Variants in HS6ST3 observed in about 807,000 individuals in gnomAD.
HS6ST3 encodes heparan sulfate 6-O-sulfotransferase 3.
Under a neutral mutation model 36.7 loss-of-function variants are expected in HS6ST3, and 12 were observed. The ratio of observed to expected loss-of-function variants is 0.33; its 90% CI spans 0.21 to 0.53. The LOEUF (loss-of-function observed/expected upper bound fraction) is 0.53. Among genes scored for constraint, HS6ST3 ranks in the 20% least tolerant of loss-of-function variants. The probability of loss-of-function intolerance (pLI) is 0.95; values close to 1 mark genes in which losing one functional copy is unlikely to be tolerated. For synonymous variants in HS6ST3, 240 were observed against 257.5 expected (o/e 0.93, Z 0.65); for missense variants, 584 against 640.9 (o/e 0.91, Z 0.96).
chr13:96,373,443 A>G (rs906263400), intron 1 of HS6ST3, among the ~76,000 whole-genome samples: 56 of 152,318 alleles, frequency 3.7e-4, no homozygotes, highest in African/African-American at 1.3e-3. Context: ...GATGTTCTGA[A>G]AAAGGATTTT....
At chr13:96,492,127 G>A (rs1029019190) in intron 1 of HS6ST3, among the ~76,000 whole-genome samples, 1 of 152,134 alleles carries the variant, frequency 6.6e-6, no homozygotes, top group Non-Finnish European at 1.5e-5. Flanking sequence ...CGTTGCTTTT[G>A]TTGTGCCAGG....
chr13:96,377,571 T>C (rs568193109), intron 1 of HS6ST3, among the ~76,000 whole-genome samples: 1 of 152,272 alleles, frequency 6.6e-6, no homozygotes, highest in South Asian at 2.1e-4. Flanking sequence ...AAAGCAGTAG[T>C]ATTGAGATTT....
intron 1 of HS6ST3, among the ~76,000 whole-genome samples, chr13:96,410,368 A>T (rs151203333): frequency 1.5e-4 from 23 of 152,316 alleles, no homozygotes; most frequent in East Asian, 1.2e-3. Context: ...TTTCCAAGGA[A>T]ATACAATTGA....
At chr13:96,569,583 T>C (rs1022689560) in intron 1 of HS6ST3, among the ~76,000 whole-genome samples, 1 of 152,188 alleles carries the variant, frequency 6.6e-6, no homozygotes. Flanking sequence ...AGAAAAAAAC[T>C]GACTTGCAGT....
In HS6ST3 at chr13:96,772,366, A is replaced by T. The variant is rs186398140; in HGVS notation, c.708-60124A>T. The stretch of plus-strand genomic sequence containing the variant: ...AGATTCCAGTGCTATTCTATAAGCA[A>T]ACTCAATTAAAGAAGAGCAAAGAGA... On this transcript the variant is annotated intron_variant, in intron 1 of 1. Coordinates refer to ENST00000376705, the MANE Select transcript of HS6ST3 (RefSeq NM_153456.4). Among the ~76,000 whole-genome samples, 522 of 152,336 alleles carry T rather than the reference A, an allele frequency of 3.4e-3. 2 individuals carry two copies. Among genetic ancestry groups the T allele is most frequent in the Admixed American group, 8.5e-3 (130 of 15,296 alleles).
chr13:96,158,652 C>CAAAAAAAAA (rs397954592), intron 1 of HS6ST3, among the ~76,000 whole-genome samples: 2 of 68,902 alleles, frequency 2.9e-5, no homozygotes, highest in African/African-American at 6.4e-5. Context: ...GACTCCGTCT[C>CAAAAAAAAA]AAAAAAAAAA....
At chr13:96,811,729 C>A (rs563629047) in intron 1 of HS6ST3, among the ~76,000 whole-genome samples, 8 of 152,256 alleles carry the variant, frequency 5.3e-5, no homozygotes, top group African/African-American at 1.9e-4. Flanking sequence ...GAAATTTAGT[C>A]TTTTATCACC....
intron 1 of HS6ST3, among the ~76,000 whole-genome samples, chr13:96,640,996 C>G (rs942688750): frequency 2.6e-5 from 4 of 151,898 alleles, no homozygotes; most frequent in African/African-American, 9.7e-5. Context: ...ATGCCTCTGG[C>G]TTTGTTTGTT....
At chr13:96,380,202 C>T (rs542826985) in intron 1 of HS6ST3, among the ~76,000 whole-genome samples, 33 of 150,928 alleles carry the variant, frequency 2.2e-4, no homozygotes, top group African/African-American at 7.8e-4. Context: ...TGCATGTGCT[C>T]ATGTGTTTGT....
At chr13:96,456,123 CA>C (rs1383598888) in intron 1 of HS6ST3, among the ~76,000 whole-genome samples, 4 of 152,140 alleles carry the variant, frequency 2.6e-5, no homozygotes, top group African/African-American at 9.7e-5. Flanking sequence ...TTTAGAAGGA[CA>C]AACGTATTTC....
At chr13:96,822,068 G>T (rs1249568325) in intron 1 of HS6ST3, among the ~76,000 whole-genome samples, 1 of 152,196 alleles carries the variant, frequency 6.6e-6, no homozygotes, top group East Asian at 1.9e-4. Flanking sequence ...CAGTGCCTGA[G>T]AAATTAGCTA....
chr13:96,594,920 C>T (rs752758425), intron 1 of HS6ST3, among the ~76,000 whole-genome samples: 8 of 152,114 alleles, frequency 5.3e-5, no homozygotes, highest in Non-Finnish European at 7.4e-5. Context: ...TGATGAACTT[C>T]GCTAGTATTT....
chr13:96,680,708 G>A (rs1311238243), intron 1 of HS6ST3, among the ~76,000 whole-genome samples: 1 of 152,164 alleles, frequency 6.6e-6, no homozygotes, highest in Non-Finnish European at 1.5e-5. Context: ...GGGCTGACCC[G>A]CCATCTTGAC....
intron 1 of HS6ST3, among the ~76,000 whole-genome samples, chr13:96,343,284 T>C (rs995013843): frequency 1.3e-5 from 2 of 152,196 alleles, no homozygotes; most frequent in African/African-American, 4.8e-5. Flanking sequence ...CTCACTGGGC[T>C]AAAATCAAGG....
chr13:96,626,985 A>G (rs1462922864), intron 1 of HS6ST3, among the ~76,000 whole-genome samples: 1 of 152,166 alleles, frequency 6.6e-6, no homozygotes, highest in East Asian at 1.9e-4. Context: ...CACTCATATC[A>G]TTTACAAATG....
intron 1 of HS6ST3, among the ~76,000 whole-genome samples, chr13:96,171,219 C>G (rs1289112312): frequency 1.3e-5 from 2 of 152,170 alleles, no homozygotes; most frequent in African/African-American, 4.8e-5. Flanking sequence ...GAACAAAGTA[C>G]CCATGAACAT....
Position 96,158,087 on chromosome 13 carries a change from A to G in HS6ST3, c.707+66518A>G, listed in dbSNP as rs192123007. ...TAGGAAGATGAGAGAAAGCCTCACAAAGTATGTGACACTTGAGTGGCCATC... is the reference window on the plus strand; with the variant it reads ...TAGGAAGATGAGAGAAAGCCTCACAGAGTATGTGACACTTGAGTGGCCATC... On this transcript the variant is annotated intron_variant, in intron 1 of 1. Coordinates refer to ENST00000376705, the MANE Select transcript of HS6ST3 (RefSeq NM_153456.4). 2.6e-5 allele frequency among the ~76,000 whole-genome samples: 4 copies of G among 152,248 alleles called. No individual in the cohort carries two copies. The East Asian group carries it at 5.8e-4, about 22-fold the overall frequency.
At chr13:96,825,293 A>G (rs1183349723) in intron 1 of HS6ST3, among the ~76,000 whole-genome samples, 1 of 152,220 alleles carries the variant, frequency 6.6e-6, no homozygotes, top group African/African-American at 2.4e-5. Flanking sequence ...CACCACCAGC[A>G]AAGTGATTCC....
At chr13:96,149,035 C>G (rs1480594572) in intron 1 of HS6ST3, among the ~76,000 whole-genome samples, 2 of 152,096 alleles carry the variant, frequency 1.3e-5, no homozygotes, top group African/African-American at 4.8e-5. Context: ...AAATTTTTGC[C>G]TTCGTAGTAA....
Sources: gnomAD v4.1 joint callset for allele counts (sites outside exome capture counted in the v4.1 genomes callset) on GRCh38, gnomAD v4.1.1 for gene constraint, MANE v1.5 for transcripts, NCBI Gene and HGNC (gene_info 2026-07-23, HGNC 2026-07-21) for gene names.